The following DOK2 variants were observed in gnomAD, a reference collection of about 807,000 sequenced individuals.
DOK2 encodes the protein docking protein 2.
Under a neutral mutation model 26.0 loss-of-function variants are expected in DOK2, and 28 were observed. That is an observed-to-expected ratio of 1.08 (90% CI 0.80 to 1.48). The LOEUF (loss-of-function observed/expected upper bound fraction) is 1.48. Among genes scored for constraint, DOK2 ranks in the 40% most tolerant of loss-of-function variants. The pLI, the probability that DOK2 is intolerant of heterozygous loss-of-function variation, is 0.00. For synonymous variants in DOK2, 282 were observed against 236.9 expected, an observed-to-expected ratio of 1.19 and a Z score of -1.75; for missense variants, 682 against 558.2, an observed-to-expected ratio of 1.22 and a Z score of -2.23.
At chr8:21,911,314 G>A (rs1012312200) in intron 3 of DOK2, among the ~76,000 whole-genome samples, 1 of 152,100 alleles carries the variant, frequency 6.6e-6, no homozygotes, top group Non-Finnish European at 1.5e-5. Flanking sequence ...CTCCTCAAAA[G>A]CAACACCTGG....
chr8:21,910,516 C>T (rs767837190), intron 4 of DOK2, among the ~76,000 whole-genome samples, 157 bp downstream of exon 4: 1 of 152,162 alleles, frequency 6.6e-6, no homozygotes. Flanking sequence ...TTCTCATTCT[C>T]CTTCCTTCTA....
rs1358922288 is a variant in DOK2, at chr8:21,909,735, G to C, written c.815C>G (p.Ser272Cys). 1.9e-6 allele frequency: 3 copies of C among 1,613,712 alleles called. No homozygotes were observed. The highest frequency in any genetic ancestry group is 2.5e-6 in the Non-Finnish European group (3 of 1,180,030). Reference sequence around the variant, plus strand: ...CGGCGGCAGTGAGTCATGCGGCCGAGAGTAGGGGCTATCAGGCCGGGGCAG... The same window carrying C: ...CGGCGGCAGTGAGTCATGCGGCCGACAGTAGGGGCTATCAGGCCGGGGCAG... ...ASLPRPDSPY[S>C]RPHDSLPPPS... The change falls in exon 5 of 5, where the codon TCT becomes TGT. Residue 272 changes from serine (S) to cysteine (C), a missense_variant. Transcript: ENST00000276420.
Position 21,909,083 on chromosome 8 carries a change from A to T in DOK2, c.*228T>A. 2.2e-6 allele frequency: 1 copy of T among 449,128 alleles called. No homozygotes were observed. Among genetic ancestry groups the T allele is most frequent in the Non-Finnish European group, 3.9e-6 (1 of 253,642 alleles). The allele number at this position is 449,128 out of a possible 1,614,324, so 27.8% of individuals were successfully genotyped here. Reference sequence around the variant, plus strand: ...CTCCTCAGCTGGGGAAAGAAAGAGGAGGAAGTGGAAAAAGAGTAGGAGGAG... The same window carrying T: ...CTCCTCAGCTGGGGAAAGAAAGAGGTGGAAGTGGAAAAAGAGTAGGAGGAG... On this transcript the variant is annotated 3_prime_UTR_variant, in exon 5 of 5. Coordinates refer to ENST00000276420, the MANE Select transcript of DOK2 (RefSeq NM_003974.4).
chr8:21,911,077 C>T (rs971865599), intron 3 of DOK2: 44 of 570,576 alleles, frequency 7.7e-5, no homozygotes, highest in African/African-American at 5.3e-4. Flanking sequence ...GTAGGCATCA[C>T]GCCCCTACCC....
intron 4 of DOK2, among the ~76,000 whole-genome samples, 182 bp downstream of exon 4, chr8:21,910,491 C>T (rs1373509483): frequency 3.9e-5 from 6 of 152,286 alleles, no homozygotes; most frequent in East Asian, 3.9e-4. Context: ...TACCCCTCTA[C>T]GGTCTCTCCA....
At chr8:21,912,155 A>T (rs1435235778) in intron 2 of DOK2, 74 bp downstream of exon 2, 7 of 1,479,480 alleles carry the variant, frequency 4.7e-6, no homozygotes, top group Non-Finnish European at 5.4e-6. Flanking sequence ...CACCTGTAAC[A>T]CTTGCCCACA....
chr8:21,909,849 A>T lies in DOK2; in HGVS notation c.701T>A (p.Ile234Asn). Residue 234 changes from isoleucine (I) to asparagine (N), a missense_variant, in exon 5 of 5, where the codon ATC (isoleucine) becomes AAC (asparagine). Physicochemically the swap from Ile to Asn is moderately radical, Grantham distance 149. Transcript: ENST00000276420. The stretch of plus-strand genomic sequence containing the variant: ...GATGGCCTCTTCCAGGGCCAAGAAG[A>T]TCTCATTGCCTTGCCGGGTTTCGAA... ...FEFETRQGNE[I>N]FLALEEAISA... The T allele has an allele frequency of 6.2e-7, 1 of 1,613,868 alleles. No individual in the cohort carries two copies. Among genetic ancestry groups the T allele is most frequent in the Non-Finnish European group, 8.5e-7 (1 of 1,179,992 alleles).
intron 1 of DOK2, 125 bp downstream of exon 1, chr8:21,913,414 G>A (rs1445545638): frequency 8.8e-7 from 1 of 1,138,276 alleles, no homozygotes; most frequent in South Asian, 1.5e-5. Context: ...TTGAGCTCTG[G>A]GTCTAACTTG....
intron 1 of DOK2, among the ~76,000 whole-genome samples, chr8:21,912,723 G>C (rs181346386): frequency 6.6e-6 from 1 of 152,200 alleles, no homozygotes; most frequent in Non-Finnish European, 1.5e-5. Flanking sequence ...CGCCAGCCCC[G>C]AGAAGGAGGC....
chr8:21,909,183 T>A lies in DOK2; in HGVS notation c.*128A>T. 8.3e-7 allele frequency: 1 copy of A among 1,211,520 alleles called. No homozygotes were observed. The highest frequency in any genetic ancestry group is 1.7e-5 in the South Asian group (1 of 59,718). The allele number at this position is 1,211,520 out of a possible 1,614,324, so 75.0% of individuals were successfully genotyped here. ...AGCAGGCCCTGGGAGAGGCAATTTA[T>A]CAGCCCCAACGAAGACAGGCCAGGC... is the stretch of plus-strand genomic sequence containing the variant. On this transcript the variant is annotated 3_prime_UTR_variant, in exon 5 of 5. Transcript: ENST00000276420.
Position 21,911,932 on chromosome 8 carries a change from C to T in DOK2, c.402G>A (p.Glu134=), listed in dbSNP as rs1355054111. ...PEGKQSRPCM[E]ENELYSSAVT... ...CTGCGCTGCTGTACAATTCATTTTC[C>T]TCCATGCAGGGCCGGCTCTGCTTTC... The change falls in exon 3 of 5, where the codon GAG becomes GAA. Residue 134 remains glutamate, a synonymous_variant. Coordinates refer to ENST00000276420, the MANE Select transcript of DOK2 (RefSeq NM_003974.4). 6 of 1,563,858 alleles carry T rather than the reference C, an allele frequency of 3.8e-6. No individual in the cohort carries two copies. The highest frequency in any genetic ancestry group is 5.2e-6 in the Non-Finnish European group (6 of 1,153,912).
intron 4 of DOK2, 29 bp from the exon 5 acceptor site, chr8:21,909,960 C>T (rs1175098009): frequency 1.3e-6 from 2 of 1,589,494 alleles, no homozygotes; most frequent in Non-Finnish European, 8.5e-7. Context: ...AGGTTATTGG[C>T]CAGGCCACAG....
chr8:21,910,844 C>T lies in DOK2; in HGVS notation c.447G>A (p.Lys149=). 1.2e-6 allele frequency: 2 copies of T among 1,605,430 alleles called. No individual in the cohort carries two copies. Among genetic ancestry groups the T allele is most frequent in the South Asian group, 1.1e-5 (1 of 90,136 alleles). ...TAGGTCTCATGGTCACAGCAAATTC[C>T]TTGTGGGGGCCGACTGGGGAGAAGA... is the stretch of plus-strand genomic sequence containing the variant. The part of the protein sequence containing the change: ...YSSAVTVGPH[K]EFAVTMRPTE... Residue 149 remains lysine, a synonymous_variant, in exon 4 of 5, where the codon AAG becomes AAA. Transcript: ENST00000276420.
At position 21,910,835 on chromosome 8, in the gene DOK2, AGCAAATTCCTTGT is replaced by A. The variant is rs776853541; in HGVS notation, c.443_455del (p.His148LeufsTer2). ...TGGCTTCTGTAGGTCTCATGGTCAC[AGCAAATTCCTTGT>A]GGGGGCCGACTGGGGAGAAGAAGAG... On this transcript the variant is annotated frameshift_variant, in exon 4 of 5. Coordinates refer to ENST00000276420, the MANE Select transcript of DOK2 (RefSeq NM_003974.4). LOFTEE classifies it high-confidence loss of function. 6.2e-7 allele frequency: 1 copy of A among 1,609,056 alleles called. No homozygotes were observed.
Position 21,910,927 on chromosome 8 carries a change from A to G in DOK2, c.434-70T>C, listed in dbSNP as rs958236474. 9 of 1,480,892 alleles carry G rather than the reference A, an allele frequency of 6.1e-6. No individual in the cohort carries two copies. In the African/African-American group the frequency reaches 1.3e-4, roughly 21 times the overall value. 91.7% of individuals were successfully genotyped at this position (1,480,892 alleles called of 1,614,324 possible). Reference sequence around the variant, plus strand: ...CAGCTGGCCTGCCTCACCACTGCCCAGTTCTAAATGAGCGTACCAGAACTT... The same window carrying G: ...CAGCTGGCCTGCCTCACCACTGCCCGGTTCTAAATGAGCGTACCAGAACTT... On this transcript the variant is annotated intron_variant, in intron 3 of 4. Transcript: ENST00000276420.
Position 21,909,559 on chromosome 8 carries a change from C to T in DOK2, c.991G>A (p.Asp331Asn). The T allele has an allele frequency of 1.1e-5, 17 of 1,614,078 alleles. No homozygotes were observed. Among genetic ancestry groups the T allele is most frequent in the Non-Finnish European group, 1.4e-5 (16 of 1,179,970 alleles). The change falls in exon 5 of 5, where the codon GAC becomes AAC. Residue 331 changes from aspartate (D) to asparagine (N), a missense_variant. By Grantham distance (23) the Asp-to-Asn change is conservative. Coordinates refer to ENST00000276420, the MANE Select transcript of DOK2 (RefSeq NM_003974.4). Reference protein sequence around the residue: ...PPQLLADPLYDSIEETLPPRP... With the variant: ...PPQLLADPLYNSIEETLPPRP... ...GGGGGCAGGGTCTCCTCAATGCTGTCGTACAGAGGGTCGGCCAGGAGCTGA... is the reference window on the plus strand; with the variant it reads ...GGGGGCAGGGTCTCCTCAATGCTGTTGTACAGAGGGTCGGCCAGGAGCTGA...
chr8:21,909,968 C>T, intron 4 of DOK2, 37 bp from the exon 5 acceptor site: 1 of 1,570,142 alleles, frequency 6.4e-7, no homozygotes, highest in African/African-American at 1.4e-5. Context: ...GGCCAGGCCA[C>T]AGGGCAGGGG....
Position 21,912,451 on chromosome 8 carries a change from C to T in DOK2, c.123G>A (p.Leu41=), listed in dbSNP as rs1283465678. 8.3e-6 allele frequency: 13 copies of T among 1,566,452 alleles called. No individual in the cohort carries two copies. Among genetic ancestry groups the T allele is most frequent in the Non-Finnish European group, 1.1e-5 (13 of 1,157,710 alleles). The change falls in exon 2 of 5, where the codon CTG becomes CTA. Residue 41 remains leucine (L), a synonymous_variant. Transcript: ENST00000276420. Reference sequence around the variant, plus strand: ...GCTTCTCCGGGCCCTCCTGCAGCTCCAGCCGGGCCAAGGCGCAGTCCGACC... The same window carrying T: ...GCTTCTCCGGGCCCTCCTGCAGCTCTAGCCGGGCCAAGGCGCAGTCCGACC... The part of the protein sequence containing the change: ...YGGSDCALAR[L]ELQEGPEKPR...
In DOK2 at chr8:21,910,861, G is replaced by A. The variant is rs1297735878; in HGVS notation, c.434-4C>T. Reference sequence around the variant, plus strand: ...GCAAATTCCTTGTGGGGGCCGACTGGGGAGAAGAAGAGAGAGAAGGCGAAG... The same window carrying A: ...GCAAATTCCTTGTGGGGGCCGACTGAGGAGAAGAAGAGAGAGAAGGCGAAG... On this transcript the variant is annotated splice_polypyrimidine_tract_variant and splice_region_variant and intron_variant, in intron 3 of 4. Coordinates refer to ENST00000276420, the MANE Select transcript of DOK2 (RefSeq NM_003974.4). 1.3e-6 allele frequency: 2 copies of A among 1,597,356 alleles called. No individual in the cohort carries two copies. The highest frequency in any genetic ancestry group is 1.7e-5 in the Admixed American group (1 of 57,834).
Sources: allele counts gnomAD v4.1 joint callset (sites outside exome capture counted in the v4.1 genomes callset), GRCh38; gene constraint gnomAD v4.1.1; transcripts MANE v1.5; gene names NCBI Gene and HGNC (gene_info 2026-07-23, HGNC 2026-07-21).